The following PRKACA variants were observed in gnomAD, a reference collection of about 807,000 sequenced individuals.
PRKACA encodes cAMP-dependent protein kinase catalytic subunit alpha.
A neutral mutation model predicts 45.8 loss-of-function variants in PRKACA; 9 were observed. That is an observed-to-expected ratio of 0.20 (90% confidence interval 0.12 to 0.34). The LOEUF is 0.34. Among genes scored for constraint, PRKACA ranks in the 10% least tolerant of loss-of-function variants. PRKACA has a pLI of 1.00. For synonymous variants in PRKACA, 160 were observed against 178.6 expected (o/e 0.90, Z 0.83); for missense variants, 238 against 458.6 (o/e 0.52, Z 4.39).
At chr19:14,107,768 C>T in intron 1 of PRKACA, 1 of 1,031,246 alleles carries the variant, frequency 9.7e-7, no homozygotes, top group South Asian at 3.8e-5. Context: ...TGGGATTTGG[C>T]TGTTCCTCTG....
intron 1 of PRKACA, 109 bp downstream of exon 1, chr19:14,117,393 G>A (rs1967131769): frequency 4.4e-6 from 5 of 1,123,822 alleles, no homozygotes; most frequent in Non-Finnish European, 5.5e-6. Flanking sequence ...GCGCTGGGGG[G>A]TAGGCAGAGA....
chr19:14,094,348 C>T (rs1230132085), intron 8 of PRKACA, among the ~76,000 whole-genome samples: 1 of 152,148 alleles, frequency 6.6e-6, no homozygotes, highest in East Asian at 1.9e-4. Flanking sequence ...GCCAAGACAC[C>T]TGGCTAATTT....
chr19:14,093,888 G>T (rs560906237), intron 8 of PRKACA, 96 bp from the exon 9 acceptor site: 3 of 1,327,864 alleles, frequency 2.3e-6, no homozygotes, highest in East Asian at 2.5e-5. Flanking sequence ...TACTGGGTGT[G>T]GGCCTCCAAA....
intron 8 of PRKACA, among the ~76,000 whole-genome samples, chr19:14,095,505 C>T (rs922448696): frequency 1.3e-5 from 2 of 151,218 alleles, no homozygotes; most frequent in Non-Finnish European, 2.9e-5. Context: ...TCTTTTGGTC[C>T]GGTGGCAGAT....
chr19:14,104,119 C>T (rs911984079), intron 3 of PRKACA, among the ~76,000 whole-genome samples: 37 of 151,932 alleles, frequency 2.4e-4, no homozygotes, highest in African/African-American at 8.2e-4. Context: ...AGGTGGATCA[C>T]GAGGTCAGGA....
chr19:14,105,261 C>T (rs1439041510), intron 3 of PRKACA, among the ~76,000 whole-genome samples: 1 of 152,096 alleles, frequency 6.6e-6, no homozygotes, highest in African/African-American at 2.4e-5. Flanking sequence ...TCTGTAATCC[C>T]AGCACTTTGG....
In PRKACA at chr19:14,092,663, C is replaced by T. The variant is rs41296322; in HGVS notation, c.*449G>A. The T allele has an allele frequency of 2.6e-6, 1 of 388,610 alleles. No homozygotes were observed. The highest frequency in any genetic ancestry group is 4.5e-6 in the Non-Finnish European group (1 of 220,440). The allele number at this position is 388,610 out of a possible 1,614,324, so 24.1% of individuals were successfully genotyped here. A position where few individuals can be genotyped will look rare whatever the true frequency, so the allele number is the denominator to read the frequency against. ...AGGATTACTCCGAAAGGAAGGTTGG[C>T]GCTTCGTTCATTTGCCCTTAGCAAG... On this transcript the variant is annotated 3_prime_UTR_variant, in exon 10 of 10. Transcript: ENST00000308677.
chr19:14,093,728 T>C lies in PRKACA; in HGVS notation c.830A>G (p.Asp277Gly). The C allele has an allele frequency of 6.2e-7, 1 of 1,614,106 alleles. No homozygotes were observed. Among genetic ancestry groups the C allele is most frequent in the Non-Finnish European group, 8.5e-7 (1 of 1,179,978 alleles). Reference sequence around the variant, plus strand: ...GAGGTTCCCAAAGCGCTTGGTGAGATCTACCTGCAGGAGGTTCCGCAGCAG... The same window carrying C: ...GAGGTTCCCAAAGCGCTTGGTGAGACCTACCTGCAGGAGGTTCCGCAGCAG... ...KDLLRNLLQV[D>G]LTKRFGNLKN... The change falls in exon 9 of 10, where the codon GAT becomes GGT. Residue 277 changes from aspartate (D) to glycine (G), a missense_variant. Asp to Gly is a moderately conservative substitution (Grantham distance 94, BLOSUM62 -1). Transcript: ENST00000308677.
intron 8 of PRKACA, among the ~76,000 whole-genome samples, chr19:14,094,205 AAAAAAAAT>A (rs1314157848): frequency 1.1e-4 from 17 of 148,584 alleles, no homozygotes; most frequent in Admixed American, 6.7e-4. Flanking sequence ...AAAAAAAAAA[AAAAAAAAT>A]AGCCTCACTC....
chr19:14,113,700 C>T (rs1204641385), intron 1 of PRKACA, among the ~76,000 whole-genome samples: 1 of 152,140 alleles, frequency 6.6e-6, no homozygotes, highest in Non-Finnish European at 1.5e-5. Context: ...GGCTGGGCCC[C>T]CTACTCGAGG....
intron 8 of PRKACA, among the ~76,000 whole-genome samples, chr19:14,095,045 T>C (rs1434191935): frequency 2.6e-5 from 4 of 152,220 alleles, no homozygotes; most frequent in African/African-American, 7.2e-5. Flanking sequence ...AGGGAGATAA[T>C]ACCACTGACG....
chr19:14,109,937 CAAAAAAAAAAAAAAA>C (rs869056089), intron 1 of PRKACA, among the ~76,000 whole-genome samples: 4 of 17,548 alleles, frequency 2.3e-4, no homozygotes, highest in African/African-American at 1.3e-3. Context: ...GACTCTGTCT[CAAAAAAAAAAAAAAA>C]AAAAAAAAAA....
At chr19:14,114,207 T>C (rs1967056858) in intron 1 of PRKACA, 2 of 1,595,876 alleles carry the variant, frequency 1.3e-6, no homozygotes, top group South Asian at 1.1e-5. Flanking sequence ...GGAAGGCTCA[T>C]GAGACCTGCC....
Position 14,117,612 on chromosome 19 carries a change from G to C in PRKACA, c.-65C>G. On this transcript the variant is annotated 5_prime_UTR_variant, in exon 1 of 10. Coordinates refer to ENST00000308677, the MANE Select transcript of PRKACA (RefSeq NM_002730.4). ...GCGGCGGGTGCTGGCTGCGGCCGGC[G>C]GCCCCGGAGCGCGCTGGGCGGCGGC... is the stretch of plus-strand genomic sequence containing the variant. 1 of 937,424 alleles carries C rather than the reference G, an allele frequency of 1.1e-6. No homozygotes were observed. The highest frequency in any genetic ancestry group is 1.3e-6 in the Non-Finnish European group (1 of 788,320). The allele number at this position is 937,424 out of a possible 1,614,324, so 58.1% of individuals were successfully genotyped here. A position where few individuals can be genotyped will look rare whatever the true frequency, so the allele number is the denominator to read the frequency against.
chr19:14,107,512 C>T (rs1599346148), intron 1 of PRKACA, 103 bp from the exon 2 acceptor site: 2 of 1,410,026 alleles, frequency 1.4e-6, no homozygotes, highest in East Asian at 2.3e-5. Flanking sequence ...GGTGCAGTTC[C>T]AACCCAGAGC....
rs1287882847 is a variant in PRKACA at position 14,117,350 on chromosome 19, C to T, written c.46+152G>A. On this transcript the variant is annotated intron_variant, in intron 1 of 9. Coordinates refer to ENST00000308677, the MANE Select transcript of PRKACA (RefSeq NM_002730.4). ...CTACAGGGGGTACTCTGCGGGCCCG[C>T]GGGCCCCAGCCTTGGACAGGCCGGG... 6 of 983,062 alleles carry T rather than the reference C, an allele frequency of 6.1e-6. No homozygotes were observed. In the African/African-American group the frequency reaches 9.1e-5, roughly 15 times the overall value. 60.9% of individuals were successfully genotyped at this position (983,062 alleles called of 1,614,324 possible).
chr19:14,099,827 T>G (rs1002383423), intron 5 of PRKACA, among the ~76,000 whole-genome samples: 1 of 151,774 alleles, frequency 6.6e-6, no homozygotes, highest in Non-Finnish European at 1.5e-5. Context: ...CTATATAAAA[T>G]AAAATAATAG....
intron 5 of PRKACA, among the ~76,000 whole-genome samples, chr19:14,099,917 C>T (rs954669079): frequency 5.9e-5 from 9 of 152,092 alleles, no homozygotes; most frequent in African/African-American, 1.9e-4. Flanking sequence ...GATCTCGGCT[C>T]ACTGCAAACT....
At position 14,092,672 on chromosome 19, in the gene PRKACA, C is replaced by G; in HGVS notation, c.*440G>C. 3.0e-6 allele frequency: 1 copy of G among 331,210 alleles called. No individual in the cohort carries two copies. The highest frequency in any genetic ancestry group is 5.5e-6 in the Non-Finnish European group (1 of 183,422). 20.5% of individuals were successfully genotyped at this position (331,210 alleles called of 1,614,324 possible). A position where few individuals can be genotyped will look rare whatever the true frequency, so the allele number is the denominator to read the frequency against. On this transcript the variant is annotated 3_prime_UTR_variant, in exon 10 of 10. Transcript: ENST00000308677. ...CCGAAAGGAAGGTTGGCGCTTCGTT[C>G]ATTTGCCCTTAGCAAGTGGGGCCTG...
Sources: allele counts gnomAD v4.1 joint callset (sites outside exome capture counted in the v4.1 genomes callset), GRCh38; gene constraint gnomAD v4.1.1; transcripts MANE v1.5; gene names NCBI Gene and HGNC (gene_info 2026-07-23, HGNC 2026-07-21).